The following MC2R variants were observed in gnomAD, a reference collection of about 807,000 sequenced individuals.
MC2R encodes the protein melanocortin 2 receptor, also known as adrenocorticotropic hormone receptor.
MC2R carries 9 observed loss-of-function variants against 9.8 expected under a neutral mutation model. The ratio of observed to expected loss-of-function variants is 0.92; its 90% CI spans 0.55 to 1.60. MC2R has a LOEUF of 1.60. MC2R is among the 40% of genes most tolerant of loss of function. The pLI, the probability that MC2R is intolerant of heterozygous loss-of-function variation, is 0.00. For missense variants in MC2R, 370 were observed against 389.0 expected (o/e 0.95, Z 0.41); for synonymous variants, 185 against 154.7 (o/e 1.20, Z -1.45).
chr18:13,893,632 T>C (rs1173063879), intron 1 of MC2R, among the ~76,000 whole-genome samples: 2 of 152,216 alleles, frequency 1.3e-5, no homozygotes, highest in Admixed American at 6.5e-5. Context: ...CTGTCGCCTG[T>C]GCCTGCCCAG....
At chr18:13,894,405 G>A (rs72874320) in intron 1 of MC2R, among the ~76,000 whole-genome samples, 1 of 152,244 alleles carries the variant, frequency 6.6e-6, no homozygotes, top group Non-Finnish European at 1.5e-5. Flanking sequence ...AAATCCAGAA[G>A]CAGCATCAAA....
At chr18:13,905,060 T>C (rs1467571566) in intron 1 of MC2R, among the ~76,000 whole-genome samples, 2 of 152,068 alleles carry the variant, frequency 1.3e-5, no homozygotes, top group African/African-American at 4.8e-5. Flanking sequence ...ACTAAAGAGC[T>C]TCTGCACAGC....
intron 1 of MC2R, among the ~76,000 whole-genome samples, chr18:13,886,575 G>A (rs1355162409): frequency 6.6e-6 from 1 of 152,218 alleles, no homozygotes; most frequent in Non-Finnish European, 1.5e-5. Flanking sequence ...GTCACTGCCT[G>A]ACCCCACAGC....
intron 1 of MC2R, among the ~76,000 whole-genome samples, chr18:13,898,289 C>A (rs544409629): frequency 6.6e-6 from 1 of 152,158 alleles, no homozygotes; most frequent in Non-Finnish European, 1.5e-5. Flanking sequence ...GCTCCTCTGC[C>A]TTTCGGAAAG....
chr18:13,888,128 T>C (rs1166012769), intron 1 of MC2R, among the ~76,000 whole-genome samples: 1 of 151,478 alleles, frequency 6.6e-6, no homozygotes, highest in Non-Finnish European at 1.5e-5. Context: ...AAAAAAGACA[T>C]GTTGAAAGTG....
intron 1 of MC2R, among the ~76,000 whole-genome samples, chr18:13,899,144 G>T (rs1296674238): frequency 6.6e-6 from 1 of 152,124 alleles, no homozygotes; most frequent in African/African-American, 2.4e-5. Flanking sequence ...AATCCTATCA[G>T]ATAAATTTAA....
chr18:13,902,336 A>C (rs954909887), intron 1 of MC2R, among the ~76,000 whole-genome samples: 1 of 152,168 alleles, frequency 6.6e-6, no homozygotes, highest in African/African-American at 2.4e-5. Context: ...AAATAGAAAG[A>C]AAATCCTAAA....
chr18:13,897,844 C>A (rs142557662), intron 1 of MC2R, among the ~76,000 whole-genome samples: 8 of 152,054 alleles, frequency 5.3e-5, no homozygotes, highest in Middle Eastern at 3.4e-3. Context: ...ACCTGAAGAG[C>A]CTTTAGGCCC....
chr18:13,884,512 A>T lies in MC2R; in HGVS notation c.*113T>A, dbSNP rs2045259277. Reference sequence around the variant, plus strand: ...CACTAGCTGGTGGGATCATCCTTGCATCCATTAGGGAAGGAAGGCCAGTGA... The same window carrying T: ...CACTAGCTGGTGGGATCATCCTTGCTTCCATTAGGGAAGGAAGGCCAGTGA... On this transcript the variant is annotated 3_prime_UTR_variant, in exon 2 of 2. Transcript: ENST00000327606. The T allele has an allele frequency of 3.4e-6, 4 of 1,166,346 alleles. No homozygotes were observed. Among genetic ancestry groups the T allele is most frequent in the Non-Finnish European group, 5.1e-6 (4 of 788,612 alleles). 72.2% of individuals were successfully genotyped at this position (1,166,346 alleles called of 1,614,324 possible). A position where few individuals can be genotyped will look rare whatever the true frequency, so the allele number is the denominator to read the frequency against.
intron 1 of MC2R, among the ~76,000 whole-genome samples, chr18:13,910,764 C>A (rs1219699447): frequency 6.6e-6 from 1 of 152,160 alleles, no homozygotes; most frequent in Non-Finnish European, 1.5e-5. Context: ...GGGCACCAGG[C>A]ATCTGGAGGA....
chr18:13,885,365 TC>T lies in MC2R; in HGVS notation c.153del (p.Asn52IlefsTer32), dbSNP rs2045269341. On this transcript the variant is annotated frameshift_variant, in exon 2 of 2. Coordinates refer to ENST00000327606, the MANE Select transcript of MC2R (RefSeq NM_000529.2). LOFTEE classifies it high-confidence loss of function. The part of the protein sequence containing the change: ...ENLIVLLAVF[K>X]NKNLQAPMYF... ...TACATGGGTGCCTGGAGATTCTTATTCTTGAACACAGCCAGCAGGACGATCA... is the reference window on the plus strand; with the variant it reads ...TACATGGGTGCCTGGAGATTCTTATTTTGAACACAGCCAGCAGGACGATCA... The T allele has an allele frequency of 1.2e-6, 2 of 1,614,086 alleles. No homozygotes were observed. Among genetic ancestry groups the T allele is most frequent in the African/African-American group, 2.7e-5 (2 of 74,920 alleles).
At chr18:13,904,595 G>A (rs911471989) in intron 1 of MC2R, among the ~76,000 whole-genome samples, 1 of 138,982 alleles carries the variant, frequency 7.2e-6, no homozygotes, top group African/African-American at 2.8e-5. Flanking sequence ...GAAGTATCAT[G>A]CTACCTGATT....
At chr18:13,892,358 G>C (rs994659400) in intron 1 of MC2R, among the ~76,000 whole-genome samples, 4 of 152,118 alleles carry the variant, frequency 2.6e-5, no homozygotes, top group African/African-American at 4.8e-5. Flanking sequence ...GTGGGGGGCG[G>C]GTGGGAAGAT....
At chr18:13,885,910 A>G (rs1426934358) in intron 1 of MC2R, among the ~76,000 whole-genome samples, 2 of 152,228 alleles carry the variant, frequency 1.3e-5, no homozygotes, top group Non-Finnish European at 2.9e-5. Context: ...CAAAAAGAAT[A>G]AGGTCATGTC....
At chr18:13,902,727 C>A (rs2149141217) in intron 1 of MC2R, among the ~76,000 whole-genome samples, 1 of 152,248 alleles carries the variant, frequency 6.6e-6, no homozygotes. Flanking sequence ...AGACCTCAAA[C>A]TATGAAACTA....
rs372768175 is a variant in MC2R at position 13,882,736 on chromosome 18, A to C, written c.*1889T>G. ...ACCTCTTATTGAGAATACGCACTTT[A>C]ATCACATAAAATATGTTATACATTA... On this transcript the variant is annotated 3_prime_UTR_variant, in exon 2 of 2. Transcript: ENST00000327606. The C allele has an allele frequency of 6.6e-6, 1 of 152,268 alleles. No homozygotes were observed. The highest frequency in any genetic ancestry group is 2.4e-5 in the African/African-American group (1 of 41,480). The allele number at this position is 152,268 out of a possible 1,614,324, so 9.4% of individuals were successfully genotyped here.
At chr18:13,891,188 A>G (rs1028349355) in intron 1 of MC2R, among the ~76,000 whole-genome samples, 1 of 152,166 alleles carries the variant, frequency 6.6e-6, no homozygotes, top group South Asian at 2.1e-4. Context: ...AGTATATTGT[A>G]TATCATGTCT....
chr18:13,906,727 T>C (rs1012384621), intron 1 of MC2R, among the ~76,000 whole-genome samples: 6 of 152,242 alleles, frequency 3.9e-5, no homozygotes, highest in African/African-American at 1.2e-4. Context: ...GTAACACTTA[T>C]ATACAACAAC....
At chr18:13,897,461 C>T (rs1473147202) in intron 1 of MC2R, among the ~76,000 whole-genome samples, 5 of 152,106 alleles carry the variant, frequency 3.3e-5, no homozygotes, top group Admixed American at 1.3e-4. Flanking sequence ...AACTCTTAGG[C>T]GAGTCCTAAC....
Sources: gnomAD v4.1 joint callset for allele counts (sites outside exome capture counted in the v4.1 genomes callset) on GRCh38, gnomAD v4.1.1 for gene constraint, MANE v1.5 for transcripts, NCBI Gene and HGNC (gene_info 2026-07-23, HGNC 2026-07-21) for gene names.